Variants in PRIM2 observed in about 807,000 individuals in gnomAD.
PRIM2 encodes DNA primase subunit 2, also known as DNA primase large subunit.
In PRIM2, 39 loss-of-function variants were observed where a neutral mutation model predicts 67.3. The ratio of observed to expected loss-of-function variants is 0.58; its 90% confidence interval spans 0.45 to 0.76. The LOEUF (loss-of-function observed/expected upper bound fraction) is 0.76, where lower values mean the gene tolerates loss of function less well. PRIM2 is among the 30% of genes least tolerant of loss of function. PRIM2 has a pLI of 0.00. For missense variants in PRIM2, 398 were observed against 598.7 expected (o/e 0.66, Z 3.50); for synonymous variants, 143 against 198.7 (o/e 0.72, Z 2.36).
intron 5 of PRIM2, among the ~76,000 whole-genome samples, chr6:57,330,348 G>GTTTTTTTTTTTTTTTTT (rs1238317111): frequency 3.2e-3 from 276 of 87,482 alleles, no homozygotes; most frequent in East Asian, 3.8e-3. Context: ...TGCTGAACTT[G>GTTTTTTTTTTTTTTTTT]TTTTTTTTTT....
intron 7 of PRIM2, among the ~76,000 whole-genome samples, chr6:57,398,675 G>A (rs1325987938): frequency 6.6e-6 from 1 of 152,178 alleles, no homozygotes; most frequent in Non-Finnish European, 1.5e-5. Context: ...TTGGTCCAGT[G>A]TTGAGTTCAG....
intron 10 of PRIM2, among the ~76,000 whole-genome samples, chr6:57,567,498 C>A: frequency 6.6e-6 from 1 of 152,178 alleles, no homozygotes; most frequent in East Asian, 1.9e-4. Flanking sequence ...ATGATATTTT[C>A]AACTTGTGAT....
At chr6:57,428,903 T>C (rs1293582610) in intron 7 of PRIM2, among the ~76,000 whole-genome samples, 1 of 152,202 alleles carries the variant, frequency 6.6e-6, no homozygotes, top group Admixed American at 6.5e-5. Context: ...ATTATTTGTA[T>C]GTATATATGT....
chr6:57,286,915 A>G, the PRIM2 span, among the ~76,000 whole-genome samples: 7 of 152,340 alleles, frequency 4.6e-5, no homozygotes, highest in Non-Finnish European at 7.3e-5. Context: ...TTTACAAGAG[A>G]AAAACAACCC....
chr6:57,635,632 C>G (rs1194719746), intron 13 of PRIM2, among the ~76,000 whole-genome samples: 4 of 152,012 alleles, frequency 2.6e-5, no homozygotes. Context: ...ATATAAATCT[C>G]TAGAGAAATC....
chr6:57,554,481 T>C (rs1775469487), intron 10 of PRIM2, among the ~76,000 whole-genome samples: 2 of 151,432 alleles, frequency 1.3e-5, no homozygotes, highest in South Asian at 4.2e-4. Context: ...CCTCTGTTGA[T>C]AAGAGCTCTA....
chr6:57,626,696 C>T (rs2127498218), intron 12 of PRIM2, among the ~76,000 whole-genome samples: 1 of 151,228 alleles, frequency 6.6e-6, no homozygotes. Flanking sequence ...ATGGTCAGGA[C>T]TCACTGCAGC....
chr6:57,557,987 C>G (rs1360088112), intron 10 of PRIM2, among the ~76,000 whole-genome samples: 3 of 152,138 alleles, frequency 2.0e-5, no homozygotes, highest in Non-Finnish European at 4.4e-5. Context: ...AGACATTAGT[C>G]TCCTGAGAGG....
At chr6:57,615,901 A>G (rs1276435899) in intron 12 of PRIM2, among the ~76,000 whole-genome samples, 2 of 152,118 alleles carry the variant, frequency 1.3e-5, no homozygotes, top group Non-Finnish European at 2.9e-5. Context: ...CCAAAAATTA[A>G]CAAACAATAA....
chr6:57,464,853 T>C (rs1773133704), intron 7 of PRIM2, among the ~76,000 whole-genome samples: 1 of 152,176 alleles, frequency 6.6e-6, no homozygotes, highest in African/African-American at 2.4e-5. Context: ...TCATGTGTTA[T>C]TACATTTAAT....
At chr6:57,514,747 G>T (rs2127462006) in intron 8 of PRIM2, among the ~76,000 whole-genome samples, 1 of 152,078 alleles carries the variant, frequency 6.6e-6, no homozygotes, top group East Asian at 1.9e-4. Context: ...TTGTGTTAAG[G>T]GCACTATAAT....
At chr6:57,221,905 C>G in the PRIM2 span, 1 of 152,476 alleles carries the variant, frequency 6.6e-6, no homozygotes, top group African/African-American at 2.4e-5. Flanking sequence ...GAGTAAGGCA[C>G]AACCCGGGAC....
chr6:57,629,215 C>G (rs1190749126), intron 12 of PRIM2, among the ~76,000 whole-genome samples: 2 of 152,170 alleles, frequency 1.3e-5, no homozygotes, highest in Non-Finnish European at 2.9e-5. Context: ...TCTAGAACAT[C>G]AGAATCACTT....
the PRIM2 span, among the ~76,000 whole-genome samples, chr6:57,261,757 T>C: frequency 6.6e-6 from 1 of 152,124 alleles, no homozygotes; most frequent in East Asian, 1.9e-4. Flanking sequence ...TTTTCCCCAT[T>C]CCCTCCCTGC....
chr6:57,438,477 T>C (rs921596709), intron 7 of PRIM2, among the ~76,000 whole-genome samples: 18 of 152,006 alleles, frequency 1.2e-4, no homozygotes, highest in African/African-American at 4.4e-4. Flanking sequence ...TTGATGAATG[T>C]GATTATACTT....
In PRIM2 at chr6:57,568,456, A is replaced by G. The variant is rs1403863335; in HGVS notation, c.1020+30831A>G. On this transcript the variant is annotated intron_variant, in intron 10 of 13. Transcript: ENST00000615550. ...GCTTCTGTGTCAATATTTTATGGGA[A>G]AAACCCCTACTATTTATTATTTATT... Among the ~76,000 whole-genome samples, 21 of 152,324 alleles carry G rather than the reference A, an allele frequency of 1.4e-4. No homozygotes were observed. In the East Asian group the frequency reaches 4.0e-3, roughly 29 times the overall value.
rs556751713 is a variant in PRIM2, at chr6:57,340,351, A to C, written c.459+14306A>C. 1.1e-3 allele frequency among the ~76,000 whole-genome samples: 162 copies of C among 152,290 alleles called. 1 individual carries two copies. Among genetic ancestry groups the C allele is most frequent in the African/African-American group, 3.7e-3 (155 of 41,564 alleles). ...TACCATTTGACCCAGCCATCCCATT[A>C]CTGGGTATATACCCAAAGGACTATA... On this transcript the variant is annotated intron_variant, in intron 5 of 13. Transcript: ENST00000615550.
chr6:57,356,931 C>CTT (rs761605036), intron 5 of PRIM2, among the ~76,000 whole-genome samples: 69 of 120,748 alleles, frequency 5.7e-4, no homozygotes, highest in Non-Finnish European at 8.0e-4. Flanking sequence ...CCAATCCATT[C>CTT]TTTTTTTTTT....
At chr6:57,364,942 C>T (rs1769309666) in intron 5 of PRIM2, among the ~76,000 whole-genome samples, 1 of 152,002 alleles carries the variant, frequency 6.6e-6, no homozygotes, top group African/African-American at 2.4e-5. Flanking sequence ...AGATGTAGAT[C>T]TGAATAACTT....
Sources: gnomAD v4.1 joint callset for allele counts (sites outside exome capture counted in the v4.1 genomes callset) on GRCh38, gnomAD v4.1.1 for gene constraint, MANE v1.5 for transcripts, NCBI Gene and HGNC (gene_info 2026-07-23, HGNC 2026-07-21) for gene names.